The following SLC44A5 variants were observed in gnomAD, a reference collection of about 807,000 sequenced individuals.
The protein encoded by SLC44A5 is solute carrier family 44 member 5.
In SLC44A5, 57 loss-of-function variants were observed where a neutral mutation model predicts 101.8. The ratio of observed to expected loss-of-function variants is 0.56; its 90% confidence interval spans 0.45 to 0.70. SLC44A5 has a LOEUF of 0.70. SLC44A5 is among the 30% of genes least tolerant of loss of function. The probability of loss-of-function intolerance (pLI) is 0.00; values close to 1 mark genes in which losing one functional copy is unlikely to be tolerated. For missense variants in SLC44A5, 737 were observed against 853.1 expected (o/e 0.86, Z 1.70); for synonymous variants, 281 against 290.9 (o/e 0.97, Z 0.35).
chr1:75,229,239 C>T (rs1647344980), intron 12 of SLC44A5, among the ~76,000 whole-genome samples: 1 of 151,990 alleles, frequency 6.6e-6, no homozygotes, highest in Non-Finnish European at 1.5e-5. Flanking sequence ...CCACTCTTGC[C>T]TCACCATGGT....
intron 2 of SLC44A5, among the ~76,000 whole-genome samples, chr1:75,418,530 C>A (rs890717821): frequency 2.6e-5 from 4 of 152,020 alleles, no homozygotes; most frequent in Middle Eastern, 3.4e-3. Flanking sequence ...GTAATAGGTC[C>A]CTAAGAGAAA....
intron 5 of SLC44A5, among the ~76,000 whole-genome samples, chr1:75,278,826 T>C (rs773809629): frequency 6.6e-6 from 1 of 152,152 alleles, no homozygotes; most frequent in Non-Finnish European, 1.5e-5. Context: ...TTTAGCAAAT[T>C]CTAACAACAA....
Position 75,610,136 on chromosome 1 carries a change from TACACACAC to T in SLC44A5, c.-70+896_-70+903del, listed in dbSNP as rs144198306. Reference sequence around the variant, plus strand: ...CAAGACTTCTATGCAAGTCAAGAAATACACACACACACACACACACACACACACACACA... The same window carrying T: ...CAAGACTTCTATGCAAGTCAAGAAATACACACACACACACACACACACACA... On this transcript the variant is annotated intron_variant, in intron 1 of 23. Coordinates refer to ENST00000370859, the MANE Select transcript of SLC44A5 (RefSeq NM_001130058.2). 3.9e-4 allele frequency among the ~76,000 whole-genome samples: 57 copies of T among 144,324 alleles called. No homozygotes were observed. In the East Asian group the frequency reaches 5.5e-3, roughly 14 times the overall value. 94.7% of individuals were successfully genotyped at this position (144,324 alleles called of 152,430 possible).
At chr1:75,674,488 T>A in the SLC44A5 span, among the ~76,000 whole-genome samples, 1 of 152,152 alleles carries the variant, frequency 6.6e-6, no homozygotes, top group South Asian at 2.1e-4. Flanking sequence ...CAAGCGATTA[T>A]CCTGCCTCAG....
intron 4 of SLC44A5, among the ~76,000 whole-genome samples, chr1:75,320,155 A>G (rs1249663): frequency 0.11 from 16,700 of 152,158 alleles, 2,995 homozygotes; most frequent in African/African-American, 0.37. Context: ...TATGGTTTAC[A>G]CAGAAGCGTA....
At chr1:75,723,321 C>G in the SLC44A5 span, among the ~76,000 whole-genome samples, 2 of 152,126 alleles carry the variant, frequency 1.3e-5, no homozygotes, top group Non-Finnish European at 2.9e-5. Flanking sequence ...AGCGCCCGTT[C>G]CCAACATCAG....
chr1:75,697,062 A>C, the SLC44A5 span, among the ~76,000 whole-genome samples: 3 of 152,316 alleles, frequency 2.0e-5, no homozygotes, highest in South Asian at 6.2e-4. Context: ...GCTCATCAAA[A>C]TATGAGCCTT....
intron 12 of SLC44A5, among the ~76,000 whole-genome samples, chr1:75,231,259 C>T (rs1337326884): frequency 6.6e-6 from 1 of 152,120 alleles, no homozygotes; most frequent in African/African-American, 2.4e-5. Context: ...TATGGGTTAC[C>T]CAGTGCTTCC....
the SLC44A5 span, among the ~76,000 whole-genome samples, chr1:75,661,917 C>T: frequency 6.6e-5 from 10 of 151,896 alleles, no homozygotes; most frequent in Admixed American, 2.6e-4. Context: ...ATTAGTATAG[C>T]CACTATGGAA....
At chr1:75,346,337 G>C (rs755953811) in intron 3 of SLC44A5, among the ~76,000 whole-genome samples, 9 of 152,084 alleles carry the variant, frequency 5.9e-5, no homozygotes, top group Non-Finnish European at 8.8e-5. Flanking sequence ...TAAGTAGTTT[G>C]CATCATCATT....
At chr1:75,373,071 T>A (rs980876812) in intron 3 of SLC44A5, among the ~76,000 whole-genome samples, 1 of 152,052 alleles carries the variant, frequency 6.6e-6, no homozygotes, top group Non-Finnish European at 1.5e-5. Context: ...AGTCAAAATA[T>A]CCTCAGGTCA....
intron 2 of SLC44A5, among the ~76,000 whole-genome samples, chr1:75,408,634 C>A (rs1663063270): frequency 6.6e-6 from 1 of 151,830 alleles, no homozygotes; most frequent in African/African-American, 2.4e-5. Flanking sequence ...CACATGTTCT[C>A]ACTCATAAGT....
chr1:75,722,373 A>G, the SLC44A5 span, among the ~76,000 whole-genome samples: 18 of 152,198 alleles, frequency 1.2e-4, 1 homozygote, highest in African/African-American at 4.3e-4. Context: ...TTGGAGGCCG[A>G]AACAATGAGG....
chr1:75,302,951 T>C (rs184671796), intron 4 of SLC44A5, among the ~76,000 whole-genome samples: 2 of 152,336 alleles, frequency 1.3e-5, no homozygotes, highest in African/African-American at 4.8e-5. Context: ...ACATAAATTA[T>C]TTATTTCTAT....
chr1:75,302,125 T>TTTTG (rs1654530231), intron 4 of SLC44A5, among the ~76,000 whole-genome samples: 1 of 140,494 alleles, frequency 7.1e-6, no homozygotes, highest in Non-Finnish European at 1.5e-5. Flanking sequence ...TTTTTTTTTT[T>TTTTG]TTTTTTTTTT....
the SLC44A5 span, chr1:75,709,979 A>C: frequency 6.6e-6 from 1 of 152,258 alleles, no homozygotes; most frequent in Non-Finnish European, 1.5e-5. Flanking sequence ...AATTATGGTA[A>C]ATAAGTAAGC....
intron 2 of SLC44A5, among the ~76,000 whole-genome samples, chr1:75,398,812 G>C (rs1050552189): frequency 1.3e-5 from 2 of 152,020 alleles, no homozygotes; most frequent in African/African-American, 4.8e-5. Context: ...GAGAACATTC[G>C]TATCTTATGT....
upstream of SLC44A5, among the ~76,000 whole-genome samples, chr1:75,615,327 G>T (rs1185503858): frequency 4.6e-5 from 7 of 151,924 alleles, no homozygotes; most frequent in East Asian, 1.2e-3. Flanking sequence ...AATGGATGCA[G>T]AACTTGTCAC....
the SLC44A5 span, among the ~76,000 whole-genome samples, chr1:75,645,985 G>A: frequency 7.5e-6 from 1 of 132,722 alleles, no homozygotes; most frequent in African/African-American, 2.5e-5. Flanking sequence ...TGTTCCATTG[G>A]TCCATATATC....
Sources: gnomAD v4.1 joint callset for allele counts (sites outside exome capture counted in the v4.1 genomes callset) on GRCh38, gnomAD v4.1.1 for gene constraint, MANE v1.5 for transcripts, NCBI Gene and HGNC (gene_info 2026-07-23, HGNC 2026-07-21) for gene names.